GNAO1: variants seen among roughly 807,000 people sequenced by gnomAD.
GNAO1 encodes G protein subunit alpha o1.
For missense variants in GNAO1, 166 were observed against 478.7 expected (o/e 0.35, Z 6.10); for synonymous variants, 164 against 180.7 (o/e 0.91, Z 0.74).
At chr16:56,259,278 C>T (rs2036881546) in intron 2 of GNAO1, among the ~76,000 whole-genome samples, 1 of 152,258 alleles carries the variant, frequency 6.6e-6, no homozygotes, top group African/African-American at 2.4e-5. Context: ...TGATCTGCAC[C>T]AGTCAAAGAG....
rs2036997231 is a variant in GNAO1, at chr16:56,269,790, C to T, written c.162-6141C>T. ...TAGGGCCTCTGAGTTTGTGACCCTC[C>T]AGAAGTTGGGGGGGAAACTGTATGT... On this transcript the variant is annotated intron_variant, in intron 2 of 8. Transcript: ENST00000262493. Among the ~76,000 whole-genome samples, 4 of 152,314 alleles carry T rather than the reference C, an allele frequency of 2.6e-5. No individual in the cohort carries two copies. The South Asian group carries it at 8.3e-4, about 32-fold the overall frequency.
chr16:56,235,274 T>C lies in GNAO1; in HGVS notation c.162-40657T>C, dbSNP rs1462566527. On this transcript the variant is annotated intron_variant, in intron 2 of 8. Transcript: ENST00000262493. ...GGTGGCTCAATCCACTCAGATCACC[T>C]AGAAACTTGATAGAGATTTAGAATC... 6.6e-6 allele frequency: 3 copies of C among 455,348 alleles called. No individual in the cohort carries two copies. In the East Asian group the frequency reaches 2.1e-4, roughly 32 times the overall value. The allele number at this position is 455,348 out of a possible 1,614,324, so 28.2% of individuals were successfully genotyped here.
chr16:56,198,249 A>C (rs1301420591), intron 2 of GNAO1, among the ~76,000 whole-genome samples: 1 of 152,236 alleles, frequency 6.6e-6, no homozygotes, highest in Non-Finnish European at 1.5e-5. Context: ...AAAAAGCTTG[A>C]AGATGCTCAA....
chr16:56,267,696 A>G (rs1220849575), intron 2 of GNAO1, among the ~76,000 whole-genome samples: 1 of 152,176 alleles, frequency 6.6e-6, no homozygotes, highest in East Asian at 1.9e-4. Flanking sequence ...TATGATTTAT[A>G]GAACCATTTG....
chr16:56,346,906 A>G (rs1037827408), intron 6 of GNAO1: 9 of 985,260 alleles, frequency 9.1e-6, no homozygotes, highest in Non-Finnish European at 1.1e-5. Context: ...GGTCTCACCC[A>G]TGCCCTTCCC....
intron 3 of GNAO1, among the ~76,000 whole-genome samples, chr16:56,305,183 CTCAACGT>C (rs2037381749): frequency 1.3e-5 from 2 of 152,170 alleles, no homozygotes; most frequent in African/African-American, 4.8e-5. Flanking sequence ...TAGTGCCCAT[CTCAACGT>C]ATAGCCTGGA....
At chr16:56,293,104 G>A (rs1445222222) in intron 3 of GNAO1, among the ~76,000 whole-genome samples, 4 of 152,182 alleles carry the variant, frequency 2.6e-5, no homozygotes, top group African/African-American at 7.2e-5. Flanking sequence ...TTTTGGGGCC[G>A]GGCCAGAACT....
At chr16:56,336,624 G>T in intron 5 of GNAO1, 107 bp from the exon 6 acceptor site, 1 of 1,031,138 alleles carries the variant, frequency 9.7e-7, no homozygotes, top group South Asian at 1.6e-5. Context: ...GCAAGGCTCT[G>T]AGCACCATGG....
intron 4 of GNAO1, among the ~76,000 whole-genome samples, chr16:56,329,841 C>T (rs2037671639): frequency 6.6e-6 from 1 of 152,124 alleles, no homozygotes; most frequent in South Asian, 2.1e-4. Flanking sequence ...TTGATGGCTG[C>T]AGCTAGAGTG....
At chr16:56,303,987 A>G (rs566571013) in intron 3 of GNAO1, among the ~76,000 whole-genome samples, 1 of 152,070 alleles carries the variant, frequency 6.6e-6, no homozygotes, top group East Asian at 1.9e-4. Flanking sequence ...CCCCTACTTC[A>G]TTGCTTTTTA....
Position 56,323,241 on chromosome 16 carries a change from G to T in GNAO1, c.304-5390G>T, listed in dbSNP as rs7202984. ...TTGTAGGCCCCAAGGAGTCTGGAAT[G>T]CGGGAATGATGGGCAGCTGTTGAAA... is the stretch of plus-strand genomic sequence containing the variant. On this transcript the variant is annotated intron_variant, in intron 3 of 8. Transcript: ENST00000262493. 1.9e-3 allele frequency among the ~76,000 whole-genome samples: 287 copies of T among 152,342 alleles called. 3 individuals are homozygous for T. Among genetic ancestry groups the T allele is most frequent in the African/African-American group, 6.5e-3 (269 of 41,576 alleles).
At chr16:56,229,700 T>G (rs1257359429) in intron 2 of GNAO1, among the ~76,000 whole-genome samples, 4 of 152,182 alleles carry the variant, frequency 2.6e-5, no homozygotes, top group Admixed American at 6.5e-5. Context: ...GAGATTAAGT[T>G]TCATTGTCTC....
chr16:56,286,135 A>G (rs1482064802), intron 3 of GNAO1, among the ~76,000 whole-genome samples: 2 of 152,138 alleles, frequency 1.3e-5, no homozygotes. Flanking sequence ...ACAGTCCCAC[A>G]CATGTGAGAT....
At chr16:56,243,877 A>G (rs1567452408) in intron 2 of GNAO1, among the ~76,000 whole-genome samples, 1 of 152,210 alleles carries the variant, frequency 6.6e-6, no homozygotes, top group East Asian at 1.9e-4. Flanking sequence ...TACGTGCATT[A>G]ACTCATTTGC....
chr16:56,248,177 T>C, intron 2 of GNAO1, among the ~76,000 whole-genome samples: 1 of 152,252 alleles, frequency 6.6e-6, no homozygotes, highest in South Asian at 2.1e-4. Context: ...ACCTTTTAAT[T>C]GTGCTGTCTT....
At chr16:56,235,430 T>C (rs1194105058) in intron 2 of GNAO1, 2 of 455,784 alleles carry the variant, frequency 4.4e-6, no homozygotes, top group Non-Finnish European at 8.8e-6. Flanking sequence ...CACTACGCAG[T>C]CCAGGCAAGG....
chr16:56,222,964 C>T (rs2036504644), intron 2 of GNAO1, among the ~76,000 whole-genome samples: 1 of 152,118 alleles, frequency 6.6e-6, no homozygotes, highest in Non-Finnish European at 1.5e-5. Flanking sequence ...ATACAGAGAC[C>T]CTGGTGCTAG....
intron 2 of GNAO1, among the ~76,000 whole-genome samples, chr16:56,267,516 C>T (rs1011814001): frequency 6.6e-6 from 1 of 152,134 alleles, no homozygotes; most frequent in Non-Finnish European, 1.5e-5. Context: ...GACCACACAG[C>T]GTTGTCTCCA....
rs1252755207 is a variant in GNAO1 at position 56,357,169 on chromosome 16, C to T, written c.*1095C>T. 6.6e-6 allele frequency: 1 copy of T among 152,272 alleles called. No individual in the cohort carries two copies. The highest frequency in any genetic ancestry group is 1.5e-5 in the Non-Finnish European group (1 of 68,008). The allele number at this position is 152,272 out of a possible 1,614,324, so 9.4% of individuals were successfully genotyped here. On this transcript the variant is annotated 3_prime_UTR_variant, in exon 9 of 9. Transcript: ENST00000262493. ...CTTTGACTAATACCCAAACCCTAAA[C>T]CTCTTCACGGTTTCACTTTTAAGAC... is the stretch of plus-strand genomic sequence containing the variant.
Sources: gnomAD v4.1 joint callset for allele counts (sites outside exome capture counted in the v4.1 genomes callset) on GRCh38, gnomAD v4.1.1 for gene constraint, MANE v1.5 for transcripts, NCBI Gene and HGNC (gene_info 2026-07-23, HGNC 2026-07-21) for gene names.